Variants in SLC1A3 observed in about 807,000 individuals in gnomAD.
The protein encoded by SLC1A3 is excitatory amino acid transporter 1.
In SLC1A3, 21 loss-of-function variants were observed where a neutral mutation model predicts 48.1. The observed-to-expected ratio is 0.44, with a 90% CI of 0.31 to 0.63. The LOEUF (loss-of-function observed/expected upper bound fraction) is 0.63. Ranked by LOEUF, SLC1A3 falls within the 20% of genes least tolerant of loss-of-function variation. SLC1A3 has a pLI of 0.08. For missense variants in SLC1A3, 546 were observed against 689.0 expected, an observed-to-expected ratio of 0.79 and a Z score of 2.32; for synonymous variants, 239 against 251.4, an observed-to-expected ratio of 0.95 and a Z score of 0.47.
chr5:36,627,819 A>C (rs531252156), intron 2 of SLC1A3, among the ~76,000 whole-genome samples: 1 of 152,312 alleles, frequency 6.6e-6, no homozygotes, highest in Admixed American at 6.5e-5. Flanking sequence ...ATCTGAGTCC[A>C]AATTGTCTGT....
At chr5:36,645,114 TA>T (rs1056976138) in intron 3 of SLC1A3, among the ~76,000 whole-genome samples, 2 of 152,190 alleles carry the variant, frequency 1.3e-5, no homozygotes, top group African/African-American at 4.8e-5. Flanking sequence ...TTACATTCAT[TA>T]TAATGCTTTT....
At chr5:36,616,878 G>A (rs1468924627) in intron 2 of SLC1A3, among the ~76,000 whole-genome samples, 3 of 152,170 alleles carry the variant, frequency 2.0e-5, no homozygotes, top group African/African-American at 7.2e-5. Context: ...TGTGAAAAAA[G>A]TAGTCATGCT....
chr5:36,685,829 C>T (rs1173456559), intron 9 of SLC1A3, among the ~76,000 whole-genome samples: 1 of 152,374 alleles, frequency 6.6e-6, no homozygotes, highest in East Asian at 1.9e-4. Context: ...TCGTTCCCCA[C>T]TGTTGGGACT....
chr5:36,609,287 A>G, intron 2 of SLC1A3: 1 of 926,920 alleles, frequency 1.1e-6, no homozygotes. Context: ...TGTTTTGTTT[A>G]TTGATCTTAA....
chr5:36,680,336 CACAG>C (rs1742386979), intron 7 of SLC1A3, 55 bp from the exon 8 acceptor site: 10 of 1,429,118 alleles, frequency 7.0e-6, no homozygotes, highest in Non-Finnish European at 9.9e-6. Flanking sequence ...AGACCAAACG[CACAG>C]ACAGTCAGAA....
Position 36,686,215 on chromosome 5 carries a change from G to T in SLC1A3, c.1575G>T (p.Leu525=), listed in dbSNP as rs1289029296. ...ATGAAATGAAGAAACCATATCAACT[G>T]ATTGCACAGGACAATGAAACTGAGA... ...EENEMKKPYQ[L]IAQDNETEKP... is the part of the protein sequence containing the mutation. The change falls in exon 10 of 10, where the codon CTG becomes CTT. Residue 525 remains leucine, a synonymous_variant. Transcript: ENST00000265113. 6.2e-7 allele frequency: 1 copy of T among 1,614,164 alleles called. No homozygotes were observed.
intron 3 of SLC1A3, among the ~76,000 whole-genome samples, chr5:36,631,954 G>C (rs1430100524): frequency 1.3e-5 from 2 of 152,246 alleles, no homozygotes; most frequent in Non-Finnish European, 2.9e-5. Flanking sequence ...ACAAAGGCAG[G>C]CTCCATTGCT....
rs1380959279 is a variant in SLC1A3, at chr5:36,608,421, AAT to A, written c.1_2del. 1 of 1,613,824 alleles carries A rather than the reference AAT, an allele frequency of 6.2e-7. No individual in the cohort carries two copies. Among genetic ancestry groups the A allele is most frequent in the African/African-American group, 1.3e-5 (1 of 74,888 alleles). ...AGAAGAGACCCTCCTAGAAAAGTAA[AAT>A]ATGACTAAAAGCAATGGAGAAGAGC... On this transcript the variant is annotated 5_prime_UTR_variant, in exon 2 of 10. Coordinates refer to ENST00000265113, the MANE Select transcript of SLC1A3 (RefSeq NM_004172.5).
intron 7 of SLC1A3, 88 bp from the exon 8 acceptor site, chr5:36,680,307 A>G: frequency 9.4e-7 from 1 of 1,067,550 alleles, no homozygotes; most frequent in Non-Finnish European, 1.4e-6. Flanking sequence ...ATGGGAGAGG[A>G]AGGAACTGTC....
chr5:36,657,690 A>G (rs1055725192), intron 3 of SLC1A3, among the ~76,000 whole-genome samples: 4 of 152,248 alleles, frequency 2.6e-5, no homozygotes, highest in Non-Finnish European at 5.9e-5. Context: ...AAGTTGAGCA[A>G]GGAATAAGTG....
intron 3 of SLC1A3, among the ~76,000 whole-genome samples, chr5:36,667,296 G>A (rs1474199481): frequency 6.6e-6 from 1 of 152,146 alleles, no homozygotes; most frequent in Admixed American, 6.5e-5. Context: ...CTTAAAGTAG[G>A]TTTAGGGAAT....
chr5:36,679,511 G>C lies in SLC1A3; in HGVS notation c.861-116G>C. 4 of 779,442 alleles carry C rather than the reference G, an allele frequency of 5.1e-6. No homozygotes were observed. In the South Asian group the frequency reaches 5.6e-5, roughly 11 times the overall value. 48.3% of individuals were successfully genotyped at this position (779,442 alleles called of 1,614,324 possible). On this transcript the variant is annotated intron_variant, in intron 6 of 9. Coordinates refer to ENST00000265113, the MANE Select transcript of SLC1A3 (RefSeq NM_004172.5). ...TTTCTGTAAGTCCTAATGGTATCCT[G>C]GGCAGGAAAGTTTGGCAGTCAACTC...
chr5:36,638,946 A>G (rs1183731375), intron 3 of SLC1A3, among the ~76,000 whole-genome samples: 1 of 152,210 alleles, frequency 6.6e-6, no homozygotes, highest in Non-Finnish European at 1.5e-5. Flanking sequence ...GATTATAGGC[A>G]TGAGTCACCG....
intron 3 of SLC1A3, among the ~76,000 whole-genome samples, chr5:36,645,914 A>G (rs1380149401): frequency 6.6e-6 from 1 of 152,218 alleles, no homozygotes; most frequent in African/African-American, 2.4e-5. Flanking sequence ...CCAGTTTATC[A>G]TGGTACAGAT....
chr5:36,654,369 G>A (rs868210935), intron 3 of SLC1A3, among the ~76,000 whole-genome samples: 8 of 152,252 alleles, frequency 5.3e-5, no homozygotes, highest in Non-Finnish European at 8.8e-5. Flanking sequence ...CCTGCTCATC[G>A]ATATCCCAAT....
chr5:36,605,725 A>G (rs1466566935), upstream of SLC1A3, among the ~76,000 whole-genome samples: 4 of 152,008 alleles, frequency 2.6e-5, no homozygotes, highest in Non-Finnish European at 5.9e-5. Flanking sequence ...ATTTTTTTTT[A>G]TTTTCTAATA....
intron 1 of SLC1A3, among the ~76,000 whole-genome samples, chr5:36,598,943 A>G (rs1481079028): frequency 1.3e-5 from 2 of 152,216 alleles, no homozygotes; most frequent in Non-Finnish European, 2.9e-5. Flanking sequence ...TAATTTCAAT[A>G]TATATTATTT....
intron 4 of SLC1A3, 145 bp downstream of exon 4, chr5:36,671,378 T>G: frequency 1.4e-6 from 1 of 708,942 alleles, no homozygotes; most frequent in Admixed American, 2.0e-5. Flanking sequence ...TACCTCTTTC[T>G]TATAGAAATT....
chr5:36,602,773 C>T (rs1579932725), upstream of SLC1A3, among the ~76,000 whole-genome samples: 1 of 152,292 alleles, frequency 6.6e-6, no homozygotes, highest in African/African-American at 2.4e-5. Context: ...GTTCCCTAGG[C>T]TTCTGCCCTT....
Sources: gnomAD v4.1 joint callset for allele counts (sites outside exome capture counted in the v4.1 genomes callset) on GRCh38, gnomAD v4.1.1 for gene constraint, MANE v1.5 for transcripts, NCBI Gene and HGNC (gene_info 2026-07-23, HGNC 2026-07-21) for gene names.